PRELID2: variants seen among roughly 807,000 people sequenced by gnomAD.
PRELID2 encodes PRELI domain-containing protein 2.
PRELID2 carries 25 observed loss-of-function variants against 28.4 expected under a neutral mutation model. The observed-to-expected ratio is 0.88, with a 90% CI of 0.64 to 1.23. PRELID2 has a LOEUF of 1.23. Among genes scored for constraint, PRELID2 ranks in the 50% most tolerant of loss-of-function variants. PRELID2 has a pLI of 0.00. For synonymous variants in PRELID2, 76 were observed against 71.6 expected, an observed-to-expected ratio of 1.06 and a Z score of -0.31; for missense variants, 201 against 214.4, an observed-to-expected ratio of 0.94 and a Z score of 0.39.
chr5:145,376,856 T>G, the PRELID2 span, among the ~76,000 whole-genome samples: 1 of 152,124 alleles, frequency 6.6e-6, no homozygotes. Flanking sequence ...GTTTGTGGAT[T>G]TTTTGAATGT....
At chr5:145,835,122 G>C (rs1755851255) in intron 1 of PRELID2, 55 bp downstream of exon 1, 1 of 1,249,134 alleles carries the variant, frequency 8.0e-7, no homozygotes, top group Admixed American at 2.0e-5. Context: ...GGAGAGGAGA[G>C]AGGGGCAAGC....
At chr5:145,245,116 C>A in the PRELID2 span, among the ~76,000 whole-genome samples, 1 of 151,972 alleles carries the variant, frequency 6.6e-6, no homozygotes, top group Non-Finnish European at 1.5e-5. Flanking sequence ...ATTTCTTTAA[C>A]CCACTACAAA....
intron 1 of PRELID2, among the ~76,000 whole-genome samples, chr5:145,718,227 A>G (rs1755893160): frequency 1.3e-5 from 2 of 152,132 alleles, no homozygotes; most frequent in South Asian, 4.1e-4. Context: ...GAGCTTAGCA[A>G]TGATGCTGAT....
chr5:145,365,752 G>T, the PRELID2 span, among the ~76,000 whole-genome samples: 31 of 152,044 alleles, frequency 2.0e-4, no homozygotes, highest in African/African-American at 7.0e-4. Flanking sequence ...AAATGTTTCA[G>T]TGTTTGGGTC....
the PRELID2 span, among the ~76,000 whole-genome samples, chr5:145,367,005 C>G: frequency 6.6e-6 from 1 of 150,822 alleles, no homozygotes; most frequent in Admixed American, 6.6e-5. Flanking sequence ...CATACATAAT[C>G]AGGTTTCTAG....
chr5:145,766,585 T>C (rs1352363224), intron 5 of PRELID2, among the ~76,000 whole-genome samples: 1 of 152,202 alleles, frequency 6.6e-6, no homozygotes, highest in Non-Finnish European at 1.5e-5. Flanking sequence ...CCACAAATAC[T>C]ACCGTTATCT....
At chr5:145,467,899 T>G (rs895523670), downstream of PRELID2, among the ~76,000 whole-genome samples, 2 of 151,782 alleles carry the variant, frequency 1.3e-5, no homozygotes, top group Non-Finnish European at 2.9e-5. Flanking sequence ...TTTGTTTCAT[T>G]TTGTTTTGTT....
At chr5:145,741,516 T>G (rs1388957109) in intron 1 of PRELID2, among the ~76,000 whole-genome samples, 85 of 122,218 alleles carry the variant, frequency 7.0e-4, no homozygotes, top group Non-Finnish European at 1.3e-3. Context: ...TATTTATAAA[T>G]AATTTATTTA....
chr5:145,435,457 G>A, the PRELID2 span, among the ~76,000 whole-genome samples: 385 of 152,262 alleles, frequency 2.5e-3, 5 homozygotes, highest in Non-Finnish European at 2.6e-3. Flanking sequence ...GGGAGTGATG[G>A]GGAGAGTGGG....
the PRELID2 span, among the ~76,000 whole-genome samples, chr5:145,263,763 T>C: frequency 5.2e-4 from 78 of 150,590 alleles, no homozygotes; most frequent in South Asian, 1.0e-3. Context: ...CCTGGAAAGA[T>C]ACAACCGTTC....
At chr5:145,238,118 G>A in the PRELID2 span, among the ~76,000 whole-genome samples, 8,938 of 152,138 alleles carry the variant, frequency 0.059, 489 homozygotes, top group African/African-American at 0.14. Context: ...ACTGTAACAA[G>A]TTTGGTTCCC....
chr5:145,694,975 C>A (rs1022969917), intron 1 of PRELID2, among the ~76,000 whole-genome samples: 9 of 152,244 alleles, frequency 5.9e-5, no homozygotes, highest in Admixed American at 6.5e-5. Flanking sequence ...CATCACCCCC[C>A]ACATAGTTAT....
the PRELID2 span, among the ~76,000 whole-genome samples, chr5:145,234,467 C>A: frequency 1.3e-5 from 2 of 152,094 alleles, no homozygotes; most frequent in African/African-American, 2.4e-5. Context: ...CCCTTAACTA[C>A]CACACTAGAG....
rs535351925 is a variant in PRELID2 at position 145,804,475 on chromosome 5, A to T, written c.369-7928T>A. Among the ~76,000 whole-genome samples the T allele has an allele frequency of 4.6e-4, 70 of 152,264 alleles. No homozygotes were observed. In the South Asian group the frequency reaches 0.015, roughly 32 times the overall value. Reference sequence around the variant, plus strand: ...TGGTGAGCCGAGATCACGCCATTGCACTCCAGTCTGGGCAGCAGAGCTAGA... The same window carrying T: ...TGGTGAGCCGAGATCACGCCATTGCTCTCCAGTCTGGGCAGCAGAGCTAGA... On this transcript the variant is annotated intron_variant, in intron 4 of 6. Transcript: ENST00000683046.
At chr5:145,259,209 A>ACTCCTTCACC in the PRELID2 span, among the ~76,000 whole-genome samples, 1 of 152,162 alleles carries the variant, frequency 6.6e-6, no homozygotes, top group Admixed American at 6.5e-5. Context: ...CTCATGGAGA[A>ACTCCTTCACC]CCTCTACTAG....
At chr5:145,277,841 T>C in the PRELID2 span, among the ~76,000 whole-genome samples, 2 of 152,172 alleles carry the variant, frequency 1.3e-5, no homozygotes, top group Admixed American at 6.6e-5. Flanking sequence ...CAGTAGCTGA[T>C]GTTGAGTCTG....
intron 1 of PRELID2, among the ~76,000 whole-genome samples, chr5:145,832,526 T>C (rs1026283464): frequency 3.9e-5 from 6 of 152,116 alleles, no homozygotes; most frequent in Admixed American, 1.3e-4. Flanking sequence ...TCAATAATCG[T>C]TGAAGTGCCT....
At chr5:145,644,919 A>G (rs1293745047) in intron 1 of PRELID2, among the ~76,000 whole-genome samples, 1 of 152,184 alleles carries the variant, frequency 6.6e-6, no homozygotes, top group East Asian at 1.9e-4. Context: ...TTTGCTGAGG[A>G]GTGCCTTACT....
At chr5:145,507,723 C>T (rs1216040539) in intron 1 of PRELID2, among the ~76,000 whole-genome samples, 1 of 152,148 alleles carries the variant, frequency 6.6e-6, no homozygotes, top group Non-Finnish European at 1.5e-5. Context: ...GCCGACAAGA[C>T]TGTCTCCACA....
Sources: allele counts gnomAD v4.1 joint callset (sites outside exome capture counted in the v4.1 genomes callset), GRCh38; gene constraint gnomAD v4.1.1; transcripts MANE v1.5; gene names NCBI Gene and HGNC (gene_info 2026-07-23, HGNC 2026-07-21).